ADGRA1: variants seen among roughly 807,000 people sequenced by gnomAD.
ADGRA1 encodes the protein adhesion G protein-coupled receptor A1, also known as G-protein coupled receptor 123.
In ADGRA1, 12 loss-of-function variants were observed where a neutral mutation model predicts 21.3. That is an observed-to-expected ratio of 0.56 (90% CI 0.36 to 0.91). ADGRA1 has a LOEUF of 0.91. ADGRA1 is among the 40% of genes least tolerant of loss of function. The probability of loss-of-function intolerance (pLI) is 0.01; values close to 1 mark genes in which losing one functional copy is unlikely to be tolerated. For missense variants in ADGRA1, 790 were observed against 805.6 expected, an observed-to-expected ratio of 0.98 and a Z score of 0.23; for synonymous variants, 385 against 368.8, an observed-to-expected ratio of 1.04 and a Z score of -0.50.
chr10:133,112,701 A>AGTTATTTGGGGTCTGCGGGCCGCGTCG (rs1852072468), intron 5 of ADGRA1, among the ~76,000 whole-genome samples: 1 of 20,402 alleles, frequency 4.9e-5, no homozygotes, highest in African/African-American at 1.9e-4. Context: ...GGGCCACGTC[A>AGTTATTTGGGGTCTGCGGGCCGCGTCG]GTTATTTGGG....
At chr10:133,112,359 G>GGGTCTACGGGCCGCATCGGTTATTTGA (rs1852050824) in intron 5 of ADGRA1, among the ~76,000 whole-genome samples, 1 of 150,100 alleles carries the variant, frequency 6.7e-6, no homozygotes, top group Non-Finnish European at 1.5e-5. Flanking sequence ...CAGTTATTTG[G>GGGTCTACGGGCCGCATCGGTTATTTGA]GGTCTGCGGG....
At chr10:133,128,262 T>G in intron 6 of ADGRA1, 67 bp from the exon 7 acceptor site, 1 of 1,263,196 alleles carries the variant, frequency 7.9e-7, no homozygotes, top group Non-Finnish European at 1.1e-6. Flanking sequence ...GGCCCTTTGC[T>G]CTGCAGGGGG....
rs1852230997 is a variant in ADGRA1 at position 133,120,309 on chromosome 10, G to A, written c.402-6924G>A. On this transcript the variant is annotated intron_variant, in intron 5 of 6. Coordinates refer to ENST00000392607, the MANE Select transcript of ADGRA1 (RefSeq NM_001083909.3). The stretch of plus-strand genomic sequence containing the variant: ...AATCCCAGCTGCTCGGGAGGCTGAG[G>A]CAGGAGAATCACTTGAACCTGGGAG... Among the ~76,000 whole-genome samples, 6 of 152,206 alleles carry A rather than the reference G, an allele frequency of 3.9e-5. No individual in the cohort carries two copies. In the South Asian group the frequency reaches 1.2e-3, roughly 31 times the overall value.
chr10:133,108,733 C>T (rs1379150742), intron 5 of ADGRA1, among the ~76,000 whole-genome samples: 2 of 152,172 alleles, frequency 1.3e-5, no homozygotes, highest in African/African-American at 4.8e-5. Flanking sequence ...CCGCAGCCTC[C>T]TGATGCCTCC....
chr10:133,125,907 C>T (rs1184229611), intron 5 of ADGRA1, among the ~76,000 whole-genome samples: 2 of 152,222 alleles, frequency 1.3e-5, no homozygotes, highest in Admixed American at 6.5e-5. Flanking sequence ...GAGCACCATC[C>T]CCAGTGCCCT....
intron 5 of ADGRA1, among the ~76,000 whole-genome samples, chr10:133,125,585 G>A (rs1338637046): frequency 2.6e-5 from 4 of 151,650 alleles, no homozygotes; most frequent in East Asian, 1.9e-4. Context: ...CACCACGCCC[G>A]GCTAATTTTT....
At chr10:133,090,368 T>C (rs1851578271) in intron 2 of ADGRA1, among the ~76,000 whole-genome samples, 1 of 152,238 alleles carries the variant, frequency 6.6e-6, no homozygotes, top group South Asian at 2.1e-4. Context: ...GAGCTCCTGC[T>C]CACCCAAGAC....
chr10:133,129,011 G>A lies in ADGRA1; in HGVS notation c.1183G>A (p.Asp395Asn). 2.5e-6 allele frequency: 4 copies of A among 1,568,830 alleles called. No homozygotes were observed. The highest frequency in any genetic ancestry group is 3.5e-6 in the Non-Finnish European group (4 of 1,156,870). The change falls in exon 7 of 7, where the codon GAC becomes AAC. Residue 395 changes from aspartate to asparagine, a missense_variant. Asp to Asn is a conservative substitution (Grantham distance 23). Around this residue, in one of 3 missense-constraint regions of ADGRA1, gnomAD observed 391 missense variants for 351.5 expected, o/e 1.11. Transcript: ENST00000392607. ...GATGCACTGCGAGCCACTGACGGCG[G>A]ACGAGGCGCACGTGCACCTGCAGGA... ...AKMHCEPLTA[D>N]EAHVHLQEEG... is the part of the protein sequence containing the mutation.
At chr10:133,127,153 C>T (rs1852390564) in intron 5 of ADGRA1, 80 bp from the exon 6 acceptor site, 4 of 875,974 alleles carry the variant, frequency 4.6e-6, no homozygotes, top group Middle Eastern at 2.6e-4. Flanking sequence ...CCTTGCCCCG[C>T]GGAGTGGGGG....
chr10:133,115,303 G>T (rs1468554829), intron 5 of ADGRA1, among the ~76,000 whole-genome samples: 1 of 152,196 alleles, frequency 6.6e-6, no homozygotes, highest in Admixed American at 6.5e-5. Context: ...CTCCAGCAGG[G>T]CAATGGCACA....
chr10:133,108,789 G>A (rs1400355148), intron 5 of ADGRA1, among the ~76,000 whole-genome samples: 1 of 151,878 alleles, frequency 6.6e-6, no homozygotes, highest in Admixed American at 6.6e-5. Flanking sequence ...TGTGGCCCCA[G>A]CTCCACCCCT....
Position 133,128,911 on chromosome 10 carries a change from C to T in ADGRA1, c.1083C>T (p.Pro361=), listed in dbSNP as rs1206611177. Residue 361 remains proline (P), a synonymous_variant, in exon 7 of 7, where the codon CCC becomes CCT. Coordinates refer to ENST00000392607, the MANE Select transcript of ADGRA1 (RefSeq NM_001083909.3). ...QPRGFAHPPG[P]CKMTNLQAAQ... ...GGGGCTTCGCGCACCCACCGGGCCC[C>T]TGCAAGATGACCAACCTGCAGGCCG... 6.4e-7 allele frequency: 1 copy of T among 1,558,034 alleles called. No homozygotes were observed. Among genetic ancestry groups the T allele is most frequent in the Non-Finnish European group, 8.7e-7 (1 of 1,154,840 alleles).
intron 2 of ADGRA1, 85 bp from the exon 3 acceptor site, chr10:133,096,889 G>C (rs1021358725): frequency 6.7e-7 from 1 of 1,498,828 alleles, no homozygotes; most frequent in African/African-American, 1.4e-5. Flanking sequence ...AGGGGAAGCC[G>C]AGCCCCAAGG....
chr10:133,112,609 C>T (rs373065512), intron 5 of ADGRA1, among the ~76,000 whole-genome samples: 1,559 of 127,052 alleles, frequency 0.012, 137 homozygotes, highest in Non-Finnish European at 0.017. Flanking sequence ...TTGGAGTCTA[C>T]GGGCTACGTC....
chr10:133,095,157 C>G (rs1192616648), intron 2 of ADGRA1, among the ~76,000 whole-genome samples: 4 of 152,098 alleles, frequency 2.6e-5, no homozygotes, highest in African/African-American at 4.8e-5. Flanking sequence ...AAGCAGGAGC[C>G]CCAGCTGGAG....
chr10:133,098,653 A>G lies in ADGRA1; in HGVS notation c.145A>G (p.Ser49Gly). ...CCCGTCCCACAGCGCCATCCGCATCAGCCGCAAGGGCCGGCACACGCTCCT... is the reference window on the plus strand; with the variant it reads ...CCCGTCCCACAGCGCCATCCGCATCGGCCGCAAGGGCCGGCACACGCTCCT... ...YIVHQSAIRI[S>G]RKGRHTLLNF... is the part of the protein sequence containing the mutation. Residue 49 changes from serine to glycine, a missense_variant, in exon 4 of 7, where the codon AGC becomes GGC. Physicochemically the swap from Ser to Gly is moderately conservative, Grantham distance 56. This residue lies in a region of ADGRA1 where 382 missense variants were observed against 415.6 expected (regional missense o/e 0.92). Coordinates refer to ENST00000392607, the MANE Select transcript of ADGRA1 (RefSeq NM_001083909.3). 2 of 1,609,986 alleles carry G rather than the reference A, an allele frequency of 1.2e-6. No homozygotes were observed. Among genetic ancestry groups the G allele is most frequent in the Non-Finnish European group, 1.7e-6 (2 of 1,179,776 alleles).
rs1281550186 is a variant in ADGRA1 at position 133,088,757 on chromosome 10, CCAGGG to C, written c.-152_-148del. On this transcript the variant is annotated 5_prime_UTR_variant, in exon 2 of 7. An upstream open reading frame in the 5' UTR loses its in-frame stop. Transcript: ENST00000392607. ...CCGCCCCGCCGCGGTCACCCTGAGG[CCAGGG>C]GCCCGGGAGCGCGACCTCCTGGCCG... is the stretch of plus-strand genomic sequence containing the variant. The C allele has an allele frequency of 3.2e-6, 4 of 1,231,220 alleles. No homozygotes were observed. The highest frequency in any genetic ancestry group is 4.0e-6 in the Non-Finnish European group (4 of 987,662). 76.3% of individuals were successfully genotyped at this position (1,231,220 alleles called of 1,614,324 possible). A position where few individuals can be genotyped will look rare whatever the true frequency, so the allele number is the denominator to read the frequency against.
chr10:133,130,285 C>T lies in ADGRA1; in HGVS notation c.*774C>T, dbSNP rs980866768. The T allele has an allele frequency of 6.6e-6, 1 of 152,200 alleles. No individual in the cohort carries two copies. Among genetic ancestry groups the T allele is most frequent in the African/African-American group, 2.4e-5 (1 of 41,426 alleles). 9.4% of individuals were successfully genotyped at this position (152,200 alleles called of 1,614,324 possible). ...GGGCCAATGGGGGGCTTTCACGGGC[C>T]CAAGGCTTGGGAAAATGCCCAGACA... On this transcript the variant is annotated 3_prime_UTR_variant, in exon 7 of 7. Coordinates refer to ENST00000392607, the MANE Select transcript of ADGRA1 (RefSeq NM_001083909.3).
At position 133,129,220 on chromosome 10, in the gene ADGRA1, G is replaced by C; in HGVS notation, c.1392G>C (p.Ala464=). The C allele has an allele frequency of 1.9e-6, 3 of 1,549,890 alleles. No individual in the cohort carries two copies. Among genetic ancestry groups the C allele is most frequent in the South Asian group, 2.4e-5 (2 of 84,060 alleles). ...CCCCCAGCTCTCTGGATGGCCCGGC[G>C]GGGACACACACGCTGGCCTGCTGCA... ...DSPPSSLDGP[A]GTHTLACCTQ... Residue 464 remains alanine, a synonymous_variant, in exon 7 of 7, where the codon GCG becomes GCC. Coordinates refer to ENST00000392607, the MANE Select transcript of ADGRA1 (RefSeq NM_001083909.3).
Sources: gnomAD v4.1 joint callset for allele counts (sites outside exome capture counted in the v4.1 genomes callset) on GRCh38, gnomAD v4.1.1 for gene constraint, gnomAD v4.1.1 regional missense constraint, MANE v1.5 for transcripts, NCBI Gene and HGNC (gene_info 2026-07-23, HGNC 2026-07-21) for gene names.